The following SCFD2 variants were observed in gnomAD, a reference collection of about 807,000 sequenced individuals.
SCFD2 encodes the protein sec1 family domain-containing protein 2.
SCFD2 carries 54 observed loss-of-function variants against 58.9 expected under a neutral mutation model. The observed-to-expected ratio is 0.92, with a 90% CI of 0.74 to 1.15. The LOEUF (loss-of-function observed/expected upper bound fraction) is 1.15. Ranked by LOEUF, SCFD2 falls within the 50% of genes most tolerant of loss-of-function variation. The pLI is 0.00. For missense variants in SCFD2, 805 were observed against 836.6 expected (o/e 0.96, Z 0.47); for synonymous variants, 321 against 335.9 (o/e 0.96, Z 0.49).
chr4:53,260,564 C>T (rs1367545431), intron 4 of SCFD2, among the ~76,000 whole-genome samples: 1 of 152,142 alleles, frequency 6.6e-6, no homozygotes, highest in Non-Finnish European at 1.5e-5. Context: ...ATCCCTCCAT[C>T]CCTGGTATGA....
At chr4:53,082,683 G>A (rs1277925113) in intron 5 of SCFD2, among the ~76,000 whole-genome samples, 1 of 152,028 alleles carries the variant, frequency 6.6e-6, no homozygotes, top group South Asian at 2.1e-4. Flanking sequence ...ATCCACTGAG[G>A]TCCCAAACAG....
intron 4 of SCFD2, among the ~76,000 whole-genome samples, chr4:53,216,602 T>C (rs963803801): frequency 1.2e-4 from 18 of 149,424 alleles, no homozygotes; most frequent in African/African-American, 4.4e-4. Flanking sequence ...AACCAGCTCC[T>C]GGATTCATTG....
At chr4:53,287,422 C>G (rs1731704643) in intron 3 of SCFD2, among the ~76,000 whole-genome samples, 1 of 152,182 alleles carries the variant, frequency 6.6e-6, no homozygotes, top group African/African-American at 2.4e-5. Flanking sequence ...CCTACAGTGC[C>G]ACCACTGTTG....
chr4:53,196,747 G>A (rs1418180400), intron 4 of SCFD2, among the ~76,000 whole-genome samples: 1 of 151,672 alleles, frequency 6.6e-6, no homozygotes, highest in Non-Finnish European at 1.5e-5. Context: ...CCATAAAAAG[G>A]GGTGGGGGAA....
intron 7 of SCFD2, among the ~76,000 whole-genome samples, chr4:52,901,164 C>T (rs570730679): frequency 1.8e-3 from 274 of 152,344 alleles, no homozygotes; most frequent in African/African-American, 5.5e-3. Context: ...ACCCGCTGTC[C>T]GGCATTCCCT....
intron 5 of SCFD2, among the ~76,000 whole-genome samples, chr4:53,032,244 G>T (rs1365349553): frequency 6.6e-6 from 1 of 152,206 alleles, no homozygotes; most frequent in Non-Finnish European, 1.5e-5. Flanking sequence ...AAAGCTGAGA[G>T]ATTTTGTCAC....
chr4:53,264,515 G>A (rs1285062439), intron 4 of SCFD2, among the ~76,000 whole-genome samples: 1 of 152,130 alleles, frequency 6.6e-6, no homozygotes, highest in Admixed American at 6.5e-5. Context: ...GGCCCACAGA[G>A]AAGCAGTGTG....
At chr4:53,103,913 A>AAAAG (rs1553876611) in intron 5 of SCFD2, among the ~76,000 whole-genome samples, 2 of 139,520 alleles carry the variant, frequency 1.4e-5, no homozygotes, top group African/African-American at 6.5e-5. Flanking sequence ...AAAAAAAAAA[A>AAAAG]AAAGAAAATG....
chr4:52,989,315 T>A (rs552617755), intron 5 of SCFD2, among the ~76,000 whole-genome samples: 11 of 152,328 alleles, frequency 7.2e-5, no homozygotes, highest in African/African-American at 2.2e-4. Context: ...AAAGGGATGT[T>A]ATAAGACCAA....
intron 5 of SCFD2, among the ~76,000 whole-genome samples, chr4:53,096,550 C>A (rs1244935935): frequency 6.6e-6 from 1 of 152,174 alleles, no homozygotes; most frequent in Non-Finnish European, 1.5e-5. Context: ...CCTTTGCCCA[C>A]TTTTTGATGG....
intron 5 of SCFD2, among the ~76,000 whole-genome samples, chr4:53,063,167 ATCT>A (rs1169399091): frequency 6.6e-6 from 1 of 152,154 alleles, no homozygotes; most frequent in Non-Finnish European, 1.5e-5. Flanking sequence ...TAGAAATTTC[ATCT>A]TCTTCACAAT....
At chr4:53,098,947 T>A (rs1447485908) in intron 5 of SCFD2, among the ~76,000 whole-genome samples, 1 of 152,220 alleles carries the variant, frequency 6.6e-6, no homozygotes, top group Admixed American at 6.5e-5. Flanking sequence ...TAGCTTTGTA[T>A]GTACCTATCT....
At chr4:52,933,363 G>A (rs1416959754) in intron 5 of SCFD2, among the ~76,000 whole-genome samples, 1 of 152,216 alleles carries the variant, frequency 6.6e-6, no homozygotes, top group East Asian at 1.9e-4. Flanking sequence ...CTTTGGCAGA[G>A]ATAACTAAGA....
intron 2 of SCFD2, among the ~76,000 whole-genome samples, chr4:53,324,421 A>C (rs1733117003): frequency 5.6e-5 from 1 of 17,906 alleles, no homozygotes; most frequent in African/African-American, 1.7e-4. Flanking sequence ...CTGTCTCTCC[A>C]AAAAAAAAAA....
intron 5 of SCFD2, among the ~76,000 whole-genome samples, chr4:52,952,651 A>C (rs1720627156): frequency 6.6e-6 from 1 of 152,156 alleles, no homozygotes; most frequent in Non-Finnish European, 1.5e-5. Flanking sequence ...CATCTAGGTG[A>C]CCCCAGCATG....
chr4:53,230,930 G>C (rs1414302610), intron 4 of SCFD2, among the ~76,000 whole-genome samples: 1 of 151,996 alleles, frequency 6.6e-6, no homozygotes, highest in Non-Finnish European at 1.5e-5. Context: ...TATGTACACT[G>C]TATTGTATGC....
intron 5 of SCFD2, among the ~76,000 whole-genome samples, chr4:53,057,222 G>A (rs1723368897): frequency 6.6e-6 from 1 of 152,040 alleles, no homozygotes; most frequent in Non-Finnish European, 1.5e-5. Flanking sequence ...TATGTTTATT[G>A]CAGGACTCCC....
chr4:53,268,447 A>T (rs769754481), intron 4 of SCFD2, among the ~76,000 whole-genome samples: 10 of 152,182 alleles, frequency 6.6e-5, no homozygotes, highest in Non-Finnish European at 1.2e-4. Context: ...GAACCAAAGC[A>T]GGTGACAAAA....
At chr4:53,006,262 A>G (rs954591086) in intron 5 of SCFD2, among the ~76,000 whole-genome samples, 12 of 152,098 alleles carry the variant, frequency 7.9e-5, no homozygotes, top group African/African-American at 2.9e-4. Flanking sequence ...AAAAGCCTCT[A>G]TGTTCTCAAC....
Sources: allele counts gnomAD v4.1 joint callset (sites outside exome capture counted in the v4.1 genomes callset), GRCh38; gene constraint gnomAD v4.1.1; transcripts MANE v1.5; gene names NCBI Gene and HGNC (gene_info 2026-07-23, HGNC 2026-07-21).